The following PBX3 variants were observed in gnomAD, a reference collection of about 807,000 sequenced individuals.
PBX3 encodes pre-B-cell leukemia transcription factor 3.
A neutral mutation model predicts 48.5 loss-of-function variants in PBX3; 14 were observed. The ratio of observed to expected loss-of-function variants is 0.29; its 90% CI spans 0.19 to 0.45. The LOEUF is 0.45. Ranked by LOEUF, PBX3 falls within the 20% of genes least tolerant of loss-of-function variation. PBX3 has a pLI of 1.00. For synonymous variants in PBX3, 210 were observed against 200.3 expected (o/e 1.05, Z -0.41); for missense variants, 386 against 546.7 (o/e 0.71, Z 2.93).
intron 2 of PBX3, among the ~76,000 whole-genome samples, chr9:125,842,357 T>G (rs563913213): frequency 1.4e-3 from 207 of 152,150 alleles, no homozygotes; most frequent in Non-Finnish European, 2.6e-3. Context: ...GTAAAACACA[T>G]TCATGTTGAC....
At chr9:125,876,857 T>C (rs1279303457) in intron 2 of PBX3, among the ~76,000 whole-genome samples, 2 of 151,030 alleles carry the variant, frequency 1.3e-5, no homozygotes, top group Admixed American at 6.6e-5. Flanking sequence ...TGATCTCAGC[T>C]GACTGCAACC....
At chr9:125,928,497 G>C (rs1238864118) in intron 3 of PBX3, among the ~76,000 whole-genome samples, 1 of 147,902 alleles carries the variant, frequency 6.8e-6, no homozygotes, top group African/African-American at 2.5e-5. Flanking sequence ...TTGGAATCTC[G>C]CTTTGTTGCC....
chr9:125,890,307 C>T (rs967376744), intron 2 of PBX3, among the ~76,000 whole-genome samples: 1 of 152,188 alleles, frequency 6.6e-6, no homozygotes, highest in Non-Finnish European at 1.5e-5. Flanking sequence ...TATGAAACAT[C>T]ATCTGGGAGG....
At chr9:125,878,269 G>A (rs772429669) in intron 2 of PBX3, among the ~76,000 whole-genome samples, 2 of 152,204 alleles carry the variant, frequency 1.3e-5, no homozygotes, top group Non-Finnish European at 2.9e-5. Context: ...ATGACAGCTT[G>A]GAGGGGGGTA....
intron 2 of PBX3, among the ~76,000 whole-genome samples, chr9:125,872,425 G>A (rs902199771): frequency 6.6e-6 from 1 of 152,096 alleles, no homozygotes; most frequent in African/African-American, 2.4e-5. Context: ...AAGATGATGG[G>A]GAAAGGTATA....
intron 2 of PBX3, among the ~76,000 whole-genome samples, chr9:125,764,187 T>C (rs1419782033): frequency 6.6e-6 from 1 of 152,222 alleles, no homozygotes; most frequent in Non-Finnish European, 1.5e-5. Context: ...CCCCTGGTTT[T>C]TCTCAGTGAA....
chr9:125,962,417 T>TTG (rs1842450088), intron 7 of PBX3, among the ~76,000 whole-genome samples: 1 of 152,168 alleles, frequency 6.6e-6, no homozygotes, highest in South Asian at 2.1e-4. Context: ...CTGATAAACT[T>TTG]TGTGAATGCA....
chr9:125,765,425 C>A (rs753092483), intron 2 of PBX3, among the ~76,000 whole-genome samples: 11 of 152,132 alleles, frequency 7.2e-5, no homozygotes, highest in Non-Finnish European at 1.6e-4. Flanking sequence ...GCTGGGATTA[C>A]AGGCGTGAGG....
chr9:125,959,548 AC>A (rs1346031888), intron 5 of PBX3, among the ~76,000 whole-genome samples: 2 of 152,214 alleles, frequency 1.3e-5, no homozygotes, highest in Non-Finnish European at 2.9e-5. Context: ...CTATTTCCAA[AC>A]CAATTAAAGA....
intron 5 of PBX3, among the ~76,000 whole-genome samples, chr9:125,948,893 A>G (rs1167540136): frequency 6.6e-6 from 1 of 152,120 alleles, no homozygotes; most frequent in African/African-American, 2.4e-5. Flanking sequence ...CAGCCTCCCA[A>G]GTAGCTAGGA....
At chr9:125,817,920 T>G (rs1224391091) in intron 2 of PBX3, among the ~76,000 whole-genome samples, 1 of 152,232 alleles carries the variant, frequency 6.6e-6, no homozygotes, top group Non-Finnish European at 1.5e-5. Flanking sequence ...GGTGTAGTAT[T>G]GGCTGGATGC....
intron 2 of PBX3, among the ~76,000 whole-genome samples, chr9:125,792,703 T>TA (rs1306883436): frequency 7.7e-6 from 1 of 130,404 alleles, no homozygotes; most frequent in East Asian, 2.0e-4. Context: ...TATACTTAAT[T>TA]TTTTTTTTTT....
Position 125,899,454 on chromosome 9 carries a change from T to TAGAGAGAG in PBX3, c.275-16205_275-16198dup, listed in dbSNP as rs202004098. Among the ~76,000 whole-genome samples, 702 of 103,730 alleles carry TAGAGAGAG rather than the reference T, an allele frequency of 6.8e-3. 19 individuals are homozygous for TAGAGAGAG. Among genetic ancestry groups the TAGAGAGAG allele is most frequent in the South Asian group, 0.019 (63 of 3,334 alleles). 68.1% of individuals were successfully genotyped at this position (103,730 alleles called of 152,430 possible). A position where few individuals can be genotyped will look rare whatever the true frequency, so the allele number is the denominator to read the frequency against. On this transcript the variant is annotated intron_variant, in intron 2 of 8. Transcript: ENST00000373489. The stretch of plus-strand genomic sequence containing the variant: ...ATATATATGTGTGTATATATATATA[T>TAGAGAGAG]AGAGAGAGAGAGAGAGAGAGAGAGA...
Position 125,850,168 on chromosome 9 carries a change from G to A in PBX3, c.275-65518G>A, listed in dbSNP as rs571483792. On this transcript the variant is annotated intron_variant, in intron 2 of 8. Coordinates refer to ENST00000373489, the MANE Select transcript of PBX3 (RefSeq NM_006195.6). Reference sequence around the variant, plus strand: ...TAGTAGATTAATATTAAATTGTAGCGTTAAATTTTACTAACAGAAATAGAG... The same window carrying A: ...TAGTAGATTAATATTAAATTGTAGCATTAAATTTTACTAACAGAAATAGAG... 5.9e-5 allele frequency among the ~76,000 whole-genome samples: 9 copies of A among 152,100 alleles called. No individual in the cohort carries two copies. The East Asian group carries it at 7.7e-4, about 13-fold the overall frequency.
chr9:125,771,992 A>T (rs1265298961), intron 2 of PBX3, among the ~76,000 whole-genome samples: 1 of 152,164 alleles, frequency 6.6e-6, no homozygotes, highest in Non-Finnish European at 1.5e-5. Flanking sequence ...AATTTATGTT[A>T]TGGCAGGCAG....
intron 2 of PBX3, among the ~76,000 whole-genome samples, chr9:125,814,221 A>G (rs1178280100): frequency 9.4e-6 from 1 of 106,386 alleles, no homozygotes; most frequent in African/African-American, 3.6e-5. Flanking sequence ...GTTCCCTTCA[A>G]AGATGGGTAC....
At position 125,962,201 on chromosome 9, in the gene PBX3, A is replaced by G; in HGVS notation, c.1109A>G (p.Asn370Ser). The change falls in exon 7 of 9, where the codon AAT becomes AGT. Residue 370 changes from asparagine to serine, a missense_variant. Physicochemically the swap from Asn to Ser is conservative, Grantham distance 46. Coordinates refer to ENST00000373489, the MANE Select transcript of PBX3 (RefSeq NM_006195.6). ...DSYQGSQVGANVQSQVDTLRH... is the reference protein window; with the variant it reads ...DSYQGSQVGASVQSQVDTLRH... ...TACCAAGGGTCCCAAGTCGGAGCCA[A>G]TGTGCAATCACAGGTAGGAGAAATG... The G allele has an allele frequency of 1.2e-6, 2 of 1,600,966 alleles. No individual in the cohort carries two copies. The highest frequency in any genetic ancestry group is 1.7e-6 in the Non-Finnish European group (2 of 1,168,174).
At chr9:125,880,202 G>A (rs941788757) in intron 2 of PBX3, among the ~76,000 whole-genome samples, 1 of 152,056 alleles carries the variant, frequency 6.6e-6, no homozygotes, top group Non-Finnish European at 1.5e-5. Context: ...GCACCACCAC[G>A]CCCAACTAAT....
chr9:125,954,401 A>G (rs1421516374), intron 5 of PBX3, among the ~76,000 whole-genome samples: 1 of 152,250 alleles, frequency 6.6e-6, no homozygotes, highest in Non-Finnish European at 1.5e-5. Context: ...TAAATTTTCA[A>G]TTTCCATATA....
Sources: allele counts gnomAD v4.1 joint callset (sites outside exome capture counted in the v4.1 genomes callset), GRCh38; gene constraint gnomAD v4.1.1; transcripts MANE v1.5; gene names NCBI Gene and HGNC (gene_info 2026-07-23, HGNC 2026-07-21).